The following ANKS1B variants were observed in gnomAD, a reference collection of about 807,000 sequenced individuals.
ANKS1B encodes ankyrin repeat and sterile alpha motif domain-containing protein 1B.
A neutral mutation model predicts 148.3 loss-of-function variants in ANKS1B; 36 were observed. The observed-to-expected ratio is 0.24, with a 90% confidence interval of 0.19 to 0.32. ANKS1B has a LOEUF of 0.32. ANKS1B is among the 10% of genes least tolerant of loss of function. The probability of loss-of-function intolerance (pLI) is 1.00; values close to 1 mark genes in which losing one functional copy is unlikely to be tolerated. For missense variants in ANKS1B, 1,157 were observed against 1,542.6 expected, an observed-to-expected ratio of 0.75 and a Z score of 4.19; for synonymous variants, 542 against 560.8, an observed-to-expected ratio of 0.97 and a Z score of 0.47.
chr12:99,164,008 T>A lies in ANKS1B; in HGVS notation c.2420-9613A>T, dbSNP rs186514936. On this transcript the variant is annotated intron_variant, in intron 14 of 26. Transcript: ENST00000683438. Reference sequence around the variant, plus strand: ...TATGTACTAATATTTCCTTGCGGTTTTAATTTGTATTTCCCTCATGGCTTA... The same window carrying A: ...TATGTACTAATATTTCCTTGCGGTTATAATTTGTATTTCCCTCATGGCTTA... Among the ~76,000 whole-genome samples the A allele has an allele frequency of 1.4e-3, 212 of 152,332 alleles. 2 individuals carry two copies. Among genetic ancestry groups the A allele is most frequent in the African/African-American group, 5.0e-3 (206 of 41,586 alleles).
At chr12:99,525,445 G>A (rs1020666272) in intron 9 of ANKS1B, among the ~76,000 whole-genome samples, 1 of 152,170 alleles carries the variant, frequency 6.6e-6, no homozygotes, top group Non-Finnish European at 1.5e-5. Flanking sequence ...AGGTAATGGA[G>A]GGAGTGGAGA....
At chr12:99,788,605 T>C (rs1297537536) in intron 4 of ANKS1B, among the ~76,000 whole-genome samples, 1 of 152,042 alleles carries the variant, frequency 6.6e-6, no homozygotes, top group Non-Finnish European at 1.5e-5. Flanking sequence ...AAAGGGGCCT[T>C]TGCCTTGCAC....
chr12:99,724,825 A>G (rs1020599772), intron 8 of ANKS1B, among the ~76,000 whole-genome samples: 1 of 152,234 alleles, frequency 6.6e-6, no homozygotes, highest in Non-Finnish European at 1.5e-5. Flanking sequence ...GAAACGGTAC[A>G]AGCCAGAAGA....
intron 12 of ANKS1B, among the ~76,000 whole-genome samples, chr12:99,364,383 T>A (rs1467755168): frequency 6.6e-6 from 1 of 152,208 alleles, no homozygotes; most frequent in African/African-American, 2.4e-5. Context: ...TACCTTCATG[T>A]TCCCTATTGT....
At chr12:99,313,691 G>T (rs1414829611) in intron 12 of ANKS1B, among the ~76,000 whole-genome samples, 1 of 152,144 alleles carries the variant, frequency 6.6e-6, no homozygotes. Context: ...AGTAGGTGCA[G>T]AAAAGGCCTT....
chr12:99,245,915 G>A (rs2090148241), intron 13 of ANKS1B, among the ~76,000 whole-genome samples: 1 of 152,154 alleles, frequency 6.6e-6, no homozygotes. Flanking sequence ...CTAACAAAGA[G>A]TTTGGCAAGT....
chr12:99,900,274 G>A (rs866376416), intron 1 of ANKS1B, among the ~76,000 whole-genome samples: 3 of 151,598 alleles, frequency 2.0e-5, no homozygotes, highest in African/African-American at 2.4e-5. Flanking sequence ...TTGGGAGGCC[G>A]AGGCAGGTGG....
chr12:98,743,249 T>G (rs115692832), downstream of ANKS1B, among the ~76,000 whole-genome samples: 1 of 152,186 alleles, frequency 6.6e-6, no homozygotes, highest in East Asian at 1.9e-4. Flanking sequence ...TTCCCAAGTA[T>G]TCCAACTTGA....
chr12:99,429,170 C>T (rs899291869), intron 11 of ANKS1B, among the ~76,000 whole-genome samples: 11 of 151,968 alleles, frequency 7.2e-5, no homozygotes, highest in Non-Finnish European at 1.5e-4. Flanking sequence ...AACAAACAAA[C>T]GAAGAGAAAG....
At chr12:99,470,989 A>G (rs1053588041) in intron 10 of ANKS1B, among the ~76,000 whole-genome samples, 3 of 152,152 alleles carry the variant, frequency 2.0e-5, no homozygotes, top group African/African-American at 7.2e-5. Context: ...ATGTTATAAA[A>G]GGAATACATT....
At chr12:99,429,750 T>C (rs552985573) in intron 11 of ANKS1B, among the ~76,000 whole-genome samples, 2 of 151,980 alleles carry the variant, frequency 1.3e-5, no homozygotes, top group South Asian at 4.2e-4. Context: ...GATCACGAGG[T>C]CAGGAGATTG....
intron 9 of ANKS1B, among the ~76,000 whole-genome samples, chr12:99,534,927 T>C (rs1242889814): frequency 6.6e-6 from 1 of 152,048 alleles, no homozygotes; most frequent in African/African-American, 2.4e-5. Flanking sequence ...GCCAGGATGG[T>C]CTCGATCTCC....
chr12:98,745,637 C>T lies in ANKS1B; in HGVS notation c.*102G>A, dbSNP rs563181487. The T allele has an allele frequency of 2.0e-6, 3 of 1,521,164 alleles. No homozygotes were observed. The East Asian group carries it at 7.2e-5, about 36-fold the overall frequency. The allele number at this position is 1,521,164 out of a possible 1,614,324, so 94.2% of individuals were successfully genotyped here. On this transcript the variant is annotated 3_prime_UTR_variant, in exon 27 of 27. Coordinates refer to ENST00000683438, the MANE Select transcript of ANKS1B (RefSeq NM_001352186.2). ...CCGTAACAAGGCCGCACGCTCAGAG[C>T]AGTCTTCCTCCTGGGCTGGGTGGAC... is the stretch of plus-strand genomic sequence containing the variant.
intron 10 of ANKS1B, among the ~76,000 whole-genome samples, chr12:99,472,279 G>T (rs981345461): frequency 6.6e-6 from 1 of 151,992 alleles, no homozygotes; most frequent in African/African-American, 2.4e-5. Context: ...GTCTTCTCTG[G>T]CTCGGTCAGT....
chr12:99,424,112 T>A (rs965961287), intron 11 of ANKS1B, among the ~76,000 whole-genome samples: 1 of 152,226 alleles, frequency 6.6e-6, no homozygotes, highest in Non-Finnish European at 1.5e-5. Flanking sequence ...CATATACATA[T>A]ATATCCATAT....
chr12:99,574,609 G>A (rs11109928), intron 9 of ANKS1B, among the ~76,000 whole-genome samples: 2,120 of 152,048 alleles, frequency 0.014, 51 homozygotes, highest in African/African-American at 0.049. Flanking sequence ...TTATCCCTGG[G>A]AATGCAAGGT....
At chr12:98,852,748 T>C (rs534036108) in intron 17 of ANKS1B, among the ~76,000 whole-genome samples, 3 of 152,260 alleles carry the variant, frequency 2.0e-5, no homozygotes, top group East Asian at 3.9e-4. Flanking sequence ...CCTGAGCTTT[T>C]TCCCCCCCTC....
chr12:99,079,236 C>T (rs955015860), intron 16 of ANKS1B, among the ~76,000 whole-genome samples: 4 of 152,156 alleles, frequency 2.6e-5, no homozygotes, highest in Non-Finnish European at 5.9e-5. Context: ...TTATATGCCA[C>T]TAAAATTTGG....
chr12:98,743,364 C>CAAT (rs1387117592), downstream of ANKS1B, among the ~76,000 whole-genome samples: 23 of 151,966 alleles, frequency 1.5e-4, no homozygotes, highest in African/African-American at 5.6e-4. Context: ...TCATAGAATA[C>CAAT]AATTTAATAA....
Sources: allele counts gnomAD v4.1 joint callset (sites outside exome capture counted in the v4.1 genomes callset), GRCh38; gene constraint gnomAD v4.1.1; transcripts MANE v1.5; gene names NCBI Gene and HGNC (gene_info 2026-07-23, HGNC 2026-07-21).